Variants in COL22A1 observed in about 807,000 individuals in gnomAD.
The protein encoded by COL22A1 is collagen alpha-1(XXII) chain.
In COL22A1, 221 loss-of-function variants were observed where a neutral mutation model predicts 248.9. The observed-to-expected ratio is 0.89, with a 90% CI of 0.80 to 0.99. The LOEUF (loss-of-function observed/expected upper bound fraction) is 0.99, where lower values mean the gene tolerates loss of function less well. Among genes scored for constraint, COL22A1 ranks in the 50% least tolerant of loss-of-function variants. COL22A1 has a pLI of 0.00. For synonymous variants in COL22A1, 891 were observed against 793.4 expected (o/e 1.12, Z -2.07); for missense variants, 2,240 against 2,179.0 (o/e 1.03, Z -0.56).
intron 61 of COL22A1, 32 bp from the exon 62 acceptor site, chr8:138,597,002 T>C: frequency 6.3e-7 from 1 of 1,595,462 alleles, no homozygotes; most frequent in South Asian, 1.1e-5. Flanking sequence ...GTCATTCATC[T>C]TCCCAGTAAC....
At chr8:138,743,170 G>A (rs540476433) in intron 22 of COL22A1, among the ~76,000 whole-genome samples, 14 of 151,418 alleles carry the variant, frequency 9.2e-5, no homozygotes, top group Admixed American at 5.3e-4. Context: ...TAGTGATCAC[G>A]ATGGTGATGG....
At chr8:138,655,840 C>T (rs1327688369) in intron 45 of COL22A1, 57 bp downstream of exon 45, 1 of 1,407,628 alleles carries the variant, frequency 7.1e-7, no homozygotes, top group Non-Finnish European at 1.0e-6. Context: ...TTATCAAGAT[C>T]TCCAATCCCG....
chr8:138,791,276 G>A (rs1816009705), intron 12 of COL22A1, among the ~76,000 whole-genome samples: 1 of 152,154 alleles, frequency 6.6e-6, no homozygotes, highest in African/African-American at 2.4e-5. Flanking sequence ...ATCAATAACA[G>A]GAAGGCAGAG....
At chr8:138,753,949 T>C (rs1832799147) in intron 21 of COL22A1, among the ~76,000 whole-genome samples, 1 of 152,192 alleles carries the variant, frequency 6.6e-6, no homozygotes, top group South Asian at 2.1e-4. Flanking sequence ...AAGGATTGTA[T>C]ACTCCGTGGT....
At chr8:138,876,735 C>T (rs1823742606) in intron 3 of COL22A1, among the ~76,000 whole-genome samples, 1 of 152,182 alleles carries the variant, frequency 6.6e-6, no homozygotes, top group Admixed American at 6.5e-5. Flanking sequence ...ACCTTCCATG[C>T]TGCCCCAGCC....
chr8:138,849,386 C>T (rs1024223117), intron 3 of COL22A1, among the ~76,000 whole-genome samples: 5 of 152,186 alleles, frequency 3.3e-5, no homozygotes, highest in African/African-American at 7.2e-5. Context: ...CATGGCTTTA[C>T]GAGGTAGGTG....
chr8:138,782,971 G>A (rs1815159927), intron 12 of COL22A1, among the ~76,000 whole-genome samples: 1 of 152,170 alleles, frequency 6.6e-6, no homozygotes, highest in African/African-American at 2.4e-5. Flanking sequence ...AGAGACAAAG[G>A]GACTGTGCAA....
intron 26 of COL22A1, among the ~76,000 whole-genome samples, chr8:138,721,517 C>G (rs1829870777): frequency 6.6e-6 from 1 of 152,174 alleles, no homozygotes; most frequent in African/African-American, 2.4e-5. Flanking sequence ...ATTGAAATCT[C>G]TTATTATGTT....
At chr8:138,707,614 T>C (rs989464799) in intron 30 of COL22A1, among the ~76,000 whole-genome samples, 2 of 152,134 alleles carry the variant, frequency 1.3e-5, no homozygotes, top group African/African-American at 4.8e-5. Context: ...CTCAATATAT[T>C]AGGTATTGAT....
chr8:138,880,275 T>C (rs149752318), intron 2 of COL22A1, among the ~76,000 whole-genome samples: 32 of 152,232 alleles, frequency 2.1e-4, no homozygotes, highest in African/African-American at 7.2e-4. Flanking sequence ...CAATATACCA[T>C]TGGGTGTGAA....
intron 10 of COL22A1, among the ~76,000 whole-genome samples, chr8:138,806,139 GGT>G (rs796237344): frequency 0.33 from 20,455 of 61,388 alleles, 1,792 homozygotes; most frequent in South Asian, 0.36. Flanking sequence ...GGTGTGTGGT[GGT>G]GTGTGTGTGA....
chr8:138,736,784 T>G (rs1382900706), intron 23 of COL22A1, among the ~76,000 whole-genome samples: 2 of 152,090 alleles, frequency 1.3e-5, no homozygotes, highest in Non-Finnish European at 2.9e-5. Flanking sequence ...GAACAGCACC[T>G]GCCTAGGAAC....
At position 138,705,386 on chromosome 8, in the gene COL22A1, G is replaced by T. The variant is rs1828341713; in HGVS notation, c.2518-2039C>A. 1.3e-5 allele frequency among the ~76,000 whole-genome samples: 2 copies of T among 152,170 alleles called. 1 individual carries two copies. Among genetic ancestry groups the T allele is most frequent in the East Asian group, 3.9e-4 (2 of 5,188 alleles). ...AATGTTAAGGGCAGCCAGAGGGAAAGGTCGGTTTACCACAAAGGGAAGCTC... is the reference window on the plus strand; with the variant it reads ...AATGTTAAGGGCAGCCAGAGGGAAATGTCGGTTTACCACAAAGGGAAGCTC... On this transcript the variant is annotated intron_variant, in intron 30 of 64. Transcript: ENST00000303045.
At chr8:138,638,419 T>C (rs1251379987) in intron 47 of COL22A1, among the ~76,000 whole-genome samples, 1 of 152,086 alleles carries the variant, frequency 6.6e-6, no homozygotes, top group African/African-American at 2.4e-5. Flanking sequence ...GAGGGGCAGG[T>C]CCATCTAGGA....
At chr8:138,776,854 C>T (rs1043261693) in intron 15 of COL22A1, among the ~76,000 whole-genome samples, 2 of 152,128 alleles carry the variant, frequency 1.3e-5, no homozygotes, top group Non-Finnish European at 2.9e-5. Context: ...GTGACTGTGT[C>T]GATCCCTCGT....
At chr8:138,602,247 G>T (rs1338842932) in intron 59 of COL22A1, 88 bp from the exon 60 acceptor site, 4 of 1,470,874 alleles carry the variant, frequency 2.7e-6, no homozygotes, top group African/African-American at 1.4e-5. Flanking sequence ...AGTCCTGCAT[G>T]CTGAGGACAA....
At chr8:138,729,268 G>A (rs1246013593) in intron 23 of COL22A1, among the ~76,000 whole-genome samples, 2 of 152,134 alleles carry the variant, frequency 1.3e-5, no homozygotes, top group Non-Finnish European at 2.9e-5. Flanking sequence ...CAAGGACACG[G>A]GTCTCACCCT....
intron 22 of COL22A1, among the ~76,000 whole-genome samples, chr8:138,748,020 G>C (rs1220895015): frequency 6.6e-6 from 1 of 152,204 alleles, no homozygotes; most frequent in Admixed American, 6.5e-5. Context: ...GGTCGAAGCT[G>C]AGGGGCACAA....
Position 138,809,701 on chromosome 8 carries a change from G to C in COL22A1, c.1450-1889C>G, listed in dbSNP as rs1020893082. On this transcript the variant is annotated intron_variant, in intron 9 of 64. Coordinates refer to ENST00000303045, the MANE Select transcript of COL22A1 (RefSeq NM_152888.3). ...ACGCCTGGCTAATTTTTGTATTTTAGTAGAGACAGGGTTTCACCATGTTGG... is the reference window on the plus strand; with the variant it reads ...ACGCCTGGCTAATTTTTGTATTTTACTAGAGACAGGGTTTCACCATGTTGG... Among the ~76,000 whole-genome samples the C allele has an allele frequency of 3.3e-5, 5 of 151,880 alleles. No homozygotes were observed. In the East Asian group the frequency reaches 9.7e-4, roughly 30 times the overall value.
Sources: allele counts gnomAD v4.1 joint callset (sites outside exome capture counted in the v4.1 genomes callset), GRCh38; gene constraint gnomAD v4.1.1; transcripts MANE v1.5; gene names NCBI Gene and HGNC (gene_info 2026-07-23, HGNC 2026-07-21).